The following RBFOX1 variants were observed in gnomAD, a reference collection of about 807,000 sequenced individuals.
The protein encoded by RBFOX1 is RNA binding fox-1 homolog 1, also known as RNA binding protein fox-1 homolog 1.
RBFOX1 carries 8 observed loss-of-function variants against 57.7 expected under a neutral mutation model. That is an observed-to-expected ratio of 0.14 (90% CI 0.08 to 0.25). RBFOX1 has a LOEUF of 0.25. RBFOX1 is among the 10% of genes least tolerant of loss of function. RBFOX1 has a pLI of 1.00. For synonymous variants in RBFOX1, 326 were observed against 222.4 expected, an observed-to-expected ratio of 1.47 and a Z score of -4.15; for missense variants, 611 against 548.5, an observed-to-expected ratio of 1.11 and a Z score of -1.14.
intron 3 of RBFOX1, among the ~76,000 whole-genome samples, chr16:6,729,680 C>T (rs1356699676): frequency 6.6e-6 from 1 of 152,012 alleles, no homozygotes; most frequent in Non-Finnish European, 1.5e-5. Flanking sequence ...TAATATATGA[C>T]CTCAGATTAG....
At chr16:6,349,371 CTG>C (rs2085902637) in intron 2 of RBFOX1, among the ~76,000 whole-genome samples, 3 of 152,192 alleles carry the variant, frequency 2.0e-5, no homozygotes, top group Admixed American at 1.3e-4. Context: ...ACCATCCACT[CTG>C]TGTTTCAAAC....
chr16:7,474,098 C>G (rs753905763), intron 4 of RBFOX1, among the ~76,000 whole-genome samples: 25 of 152,110 alleles, frequency 1.6e-4, no homozygotes, highest in Admixed American at 3.3e-4. Context: ...ACCAGTCTGG[C>G]CAATACGGTG....
intron 3 of RBFOX1, among the ~76,000 whole-genome samples, chr16:6,664,026 A>G (rs2098717125): frequency 6.6e-6 from 1 of 152,222 alleles, no homozygotes; most frequent in African/African-American, 2.4e-5. Flanking sequence ...AATCTGTGTC[A>G]CATGGACTGT....
chr16:5,674,918 A>G (rs1396300694), intron 3 of RBFOX1, among the ~76,000 whole-genome samples: 2 of 152,148 alleles, frequency 1.3e-5, no homozygotes. Context: ...AGGCTGAGGC[A>G]GGAGGATTGC....
At chr16:5,714,107 G>A (rs895775472) in intron 3 of RBFOX1, among the ~76,000 whole-genome samples, 3 of 152,092 alleles carry the variant, frequency 2.0e-5, no homozygotes, top group Non-Finnish European at 4.4e-5. Context: ...GAAGAGCTAG[G>A]GACTATCTTG....
intron 1 of RBFOX1, among the ~76,000 whole-genome samples, chr16:6,283,285 C>T (rs1393292733): frequency 6.6e-6 from 1 of 152,166 alleles, no homozygotes; most frequent in African/African-American, 2.4e-5. Context: ...TGTGATGGCA[C>T]TCTGTACCCA....
At chr16:7,023,847 T>C (rs2040080675) in intron 3 of RBFOX1, among the ~76,000 whole-genome samples, 1 of 152,156 alleles carries the variant, frequency 6.6e-6, no homozygotes, top group African/African-American at 2.4e-5. Flanking sequence ...GTTAAATTTA[T>C]TCATCATCCC....
At chr16:7,262,861 AG>A (rs1190931206) in intron 4 of RBFOX1, among the ~76,000 whole-genome samples, 1 of 152,256 alleles carries the variant, frequency 6.6e-6, no homozygotes, top group African/African-American at 2.4e-5. Context: ...GATCATAGAT[AG>A]GACAAGAGAG....
At chr16:6,762,836 C>T (rs1347431553) in intron 3 of RBFOX1, among the ~76,000 whole-genome samples, 1 of 152,136 alleles carries the variant, frequency 6.6e-6, no homozygotes, top group Non-Finnish European at 1.5e-5. Flanking sequence ...TTACCAGAGT[C>T]ATAGTGGCTC....
At chr16:6,804,601 C>G (rs543619283) in intron 3 of RBFOX1, among the ~76,000 whole-genome samples, 3 of 152,142 alleles carry the variant, frequency 2.0e-5, no homozygotes, top group East Asian at 1.9e-4. Flanking sequence ...GGATTAATAT[C>G]AAGTTTCACA....
intron 3 of RBFOX1, among the ~76,000 whole-genome samples, chr16:6,903,936 C>G (rs1320748187): frequency 6.6e-6 from 1 of 152,108 alleles, no homozygotes; most frequent in Non-Finnish European, 1.5e-5. Flanking sequence ...TTAAAGGAGG[C>G]TGGCACCATT....
At chr16:7,031,588 G>A (rs896334421) in intron 3 of RBFOX1, among the ~76,000 whole-genome samples, 2 of 148,558 alleles carry the variant, frequency 1.3e-5, no homozygotes, top group Non-Finnish European at 2.9e-5. Flanking sequence ...GCAACAGAGT[G>A]AGACCCTGCC....
At chr16:5,463,405 G>C (rs542108503) in intron 1 of RBFOX1, among the ~76,000 whole-genome samples, 2 of 152,030 alleles carry the variant, frequency 1.3e-5, no homozygotes, top group African/African-American at 2.4e-5. Context: ...ATTGAGCTTA[G>C]CAATACTAGA....
intron 2 of RBFOX1, among the ~76,000 whole-genome samples, chr16:5,532,522 T>C (rs2044527868): frequency 6.6e-6 from 1 of 152,226 alleles, no homozygotes; most frequent in Non-Finnish European, 1.5e-5. Flanking sequence ...CTTTAGAGAA[T>C]GGATAGTGTC....
At chr16:5,861,594 A>C (rs370185868) in intron 3 of RBFOX1, among the ~76,000 whole-genome samples, 1 of 152,206 alleles carries the variant, frequency 6.6e-6, no homozygotes, top group Admixed American at 6.5e-5. Context: ...TCTATTTGCA[A>C]CTGTAGCTTA....
At chr16:6,719,967 G>T (rs537318812) in intron 3 of RBFOX1, among the ~76,000 whole-genome samples, 2 of 151,812 alleles carry the variant, frequency 1.3e-5, no homozygotes, top group African/African-American at 2.4e-5. Flanking sequence ...GATGGCAGGC[G>T]TCTATAATCC....
chr16:6,105,477 G>C (rs1047766787), intron 1 of RBFOX1, among the ~76,000 whole-genome samples: 2 of 151,936 alleles, frequency 1.3e-5, no homozygotes, highest in Non-Finnish European at 2.9e-5. Flanking sequence ...GCCTATTTAA[G>C]ACTGGCATTC....
At chr16:7,204,173 A>G (rs776991524) in intron 4 of RBFOX1, among the ~76,000 whole-genome samples, 3 of 152,226 alleles carry the variant, frequency 2.0e-5, no homozygotes, top group Non-Finnish European at 4.4e-5. Context: ...TTCTCAGAGT[A>G]ACCATTCATT....
chr16:5,802,911 G>C (rs2055105005), intron 3 of RBFOX1, among the ~76,000 whole-genome samples: 1 of 152,136 alleles, frequency 6.6e-6, no homozygotes, highest in Non-Finnish European at 1.5e-5. Context: ...GACATTTACT[G>C]AGCATTTACT....
Sources: allele counts gnomAD v4.1 joint callset (sites outside exome capture counted in the v4.1 genomes callset), GRCh38; gene constraint gnomAD v4.1.1; transcripts MANE v1.5; gene names NCBI Gene and HGNC (gene_info 2026-07-23, HGNC 2026-07-21).